ACACA: variants seen among roughly 807,000 people sequenced by gnomAD.
ACACA encodes the protein acetyl-CoA carboxylase 1.
ACACA carries 103 observed loss-of-function variants against 296.1 expected under a neutral mutation model. The ratio of observed to expected loss-of-function variants is 0.35; its 90% CI spans 0.30 to 0.41. The LOEUF (loss-of-function observed/expected upper bound fraction) is 0.41, where lower values mean the gene tolerates loss of function less well. ACACA is among the 10% of genes least tolerant of loss of function. The pLI is 1.00. For missense variants in ACACA, 1,554 were observed against 2,989.7 expected (o/e 0.52, Z 11.20); for synonymous variants, 953 against 1,038.6 (o/e 0.92, Z 1.58).
rs528375805 is a variant in ACACA, at chr17:37,253,167, C to T, written c.1827-131G>A. ...AACACTTTGGGAGGCCAAGACAAGG[C>T]GGATCACGAAGTCAGGAGATTGAGA... On this transcript the variant is annotated intron_variant, in intron 14 of 55. Transcript: ENST00000616317. The T allele has an allele frequency of 4.5e-5, 59 of 1,297,814 alleles. 2 individuals are homozygous for T. Among genetic ancestry groups the T allele is most frequent in the South Asian group, 4.3e-4 (35 of 82,330 alleles). 80.4% of individuals were successfully genotyped at this position (1,297,814 alleles called of 1,614,324 possible).
At chr17:37,355,723 T>C (rs1017927545) in intron 1 of ACACA, among the ~76,000 whole-genome samples, 13 of 151,416 alleles carry the variant, frequency 8.6e-5, no homozygotes, top group Non-Finnish European at 1.5e-5. Context: ...CCAGGCGTGG[T>C]GGCACATGCC....
intron 41 of ACACA, among the ~76,000 whole-genome samples, chr17:37,177,274 G>A (rs557126261): frequency 2.4e-5 from 2 of 84,706 alleles, no homozygotes; most frequent in Non-Finnish European, 4.5e-5. Context: ...AAATTCGTGT[G>A]TGTGTGTGTG....
intron 45 of ACACA, among the ~76,000 whole-genome samples, chr17:37,137,807 T>G (rs2075394339): frequency 6.6e-6 from 1 of 152,190 alleles, no homozygotes; most frequent in Non-Finnish European, 1.5e-5. Flanking sequence ...TCATATTATG[T>G]TAGGAATGCT....
chr17:37,314,316 G>A (rs964739451), intron 3 of ACACA, among the ~76,000 whole-genome samples: 4 of 151,808 alleles, frequency 2.6e-5, no homozygotes, highest in Non-Finnish European at 5.9e-5. Context: ...AGCCAGGATG[G>A]TCTCGATCTC....
chr17:37,142,645 C>A (rs1053291831), intron 45 of ACACA, among the ~76,000 whole-genome samples: 2 of 152,178 alleles, frequency 1.3e-5, no homozygotes, highest in Non-Finnish European at 2.9e-5. Flanking sequence ...TTTAAAAATG[C>A]AAATTGCTAG....
At chr17:37,242,157 G>A (rs1202727807) in intron 22 of ACACA, 104 bp from the exon 23 acceptor site, 45 of 868,314 alleles carry the variant, frequency 5.2e-5, no homozygotes, top group Middle Eastern at 2.2e-4. Context: ...TTATAACATG[G>A]CAGTTCCTAT....
intron 50 of ACACA, among the ~76,000 whole-genome samples, chr17:37,117,918 T>C (rs1378841303): frequency 6.6e-6 from 1 of 152,128 alleles, no homozygotes; most frequent in Non-Finnish European, 1.5e-5. Flanking sequence ...GGCTGTGTGT[T>C]TGTGTGCACT....
At chr17:37,211,163 TTC>T (rs2145461948) in intron 29 of ACACA, among the ~76,000 whole-genome samples, 2 of 152,344 alleles carry the variant, frequency 1.3e-5, no homozygotes, top group Admixed American at 1.3e-4. Context: ...TGATAAATGA[TTC>T]TATGATAAGT....
At chr17:37,169,447 C>T (rs1015104176) in intron 41 of ACACA, among the ~76,000 whole-genome samples, 1 of 152,160 alleles carries the variant, frequency 6.6e-6, no homozygotes, top group African/African-American at 2.4e-5. Context: ...AAAAGGGTTA[C>T]AACATTCAGG....
intron 31 of ACACA, 59 bp from the exon 32 acceptor site, chr17:37,206,938 G>A (rs547087241): frequency 7.4e-7 from 1 of 1,353,638 alleles, no homozygotes; most frequent in South Asian, 1.2e-5. Context: ...AACTAACACT[G>A]CCATTGGCAG....
chr17:37,092,500 C>T (rs2072714506), intron 54 of ACACA, among the ~76,000 whole-genome samples: 1 of 152,240 alleles, frequency 6.6e-6, no homozygotes, highest in Non-Finnish European at 1.5e-5. Flanking sequence ...TTTCTGTCTG[C>T]ATCAGTGGAT....
chr17:37,277,470 A>G (rs988843765), intron 6 of ACACA, among the ~76,000 whole-genome samples: 20 of 152,216 alleles, frequency 1.3e-4, no homozygotes, highest in Non-Finnish European at 2.2e-4. Context: ...CCATTACATC[A>G]TTATTGATTA....
chr17:37,371,143 G>C (rs574998096), intron 1 of ACACA, among the ~76,000 whole-genome samples: 2 of 151,850 alleles, frequency 1.3e-5, no homozygotes, highest in Non-Finnish European at 2.9e-5. Flanking sequence ...GCAATGTCAC[G>C]ATCTCGGCTC....
chr17:37,403,834 A>T (rs1395353072), intron 1 of ACACA, among the ~76,000 whole-genome samples: 1 of 152,078 alleles, frequency 6.6e-6, no homozygotes, highest in East Asian at 1.9e-4. Context: ...GCTGGAGGGC[A>T]GTGGTGCGAT....
chr17:37,370,080 C>T (rs2049748159), intron 1 of ACACA, among the ~76,000 whole-genome samples: 1 of 150,648 alleles, frequency 6.6e-6, no homozygotes, highest in Admixed American at 6.6e-5. Flanking sequence ...CCAATCTCGG[C>T]TCTGCAACCT....
At chr17:37,352,728 A>G (rs80087087) in intron 1 of ACACA, among the ~76,000 whole-genome samples, 1 of 146,186 alleles carries the variant, frequency 6.8e-6, no homozygotes, top group Non-Finnish European at 1.5e-5. Context: ...AGACCTTATC[A>G]AAAAAAAAAA....
Position 37,097,181 on chromosome 17 carries a change from G to C in ACACA, c.6721-15C>G. 2 of 1,611,744 alleles carry C rather than the reference G, an allele frequency of 1.2e-6. No individual in the cohort carries two copies. Among genetic ancestry groups the C allele is most frequent in the East Asian group, 4.5e-5 (2 of 44,860 alleles). ...TCCAGGATATCCTACATGCAGAGAAGAATAAACTTAGCCCAGTCCTAATTC... is the reference window on the plus strand; with the variant it reads ...TCCAGGATATCCTACATGCAGAGAACAATAAACTTAGCCCAGTCCTAATTC... On this transcript the variant is annotated splice_polypyrimidine_tract_variant and intron_variant, in intron 53 of 55. Coordinates refer to ENST00000616317, the MANE Select transcript of ACACA (RefSeq NM_198834.3). This position sits in a 1 kb window ranked among gnomAD's most constrained non-coding sequence, Gnocchi z 4.8.
intron 1 of ACACA, among the ~76,000 whole-genome samples, chr17:37,366,335 CATT>C (rs1175094004): frequency 2.6e-5 from 4 of 152,132 alleles, no homozygotes; most frequent in Non-Finnish European, 4.4e-5. Context: ...TAAAATATAA[CATT>C]AATAATTTTG....
chr17:37,174,020 A>ATATATT (rs552735515), intron 41 of ACACA, among the ~76,000 whole-genome samples: 9 of 16,794 alleles, frequency 5.4e-4, no homozygotes, highest in African/African-American at 1.5e-3. Context: ...ATATATATAT[A>ATATATT]TTTTTTTTTT....
Sources: gnomAD v4.1 joint callset for allele counts (sites outside exome capture counted in the v4.1 genomes callset) on GRCh38, gnomAD v4.1.1 for gene constraint, Gnocchi (gnomAD v3.1) non-coding constraint, MANE v1.5 for transcripts, NCBI Gene and HGNC (gene_info 2026-07-23, HGNC 2026-07-21) for gene names.